Variants in UBE3B observed in about 807,000 individuals in gnomAD.
UBE3B encodes ubiquitin-protein ligase E3B.
Under a neutral mutation model 132.3 loss-of-function variants are expected in UBE3B, and 80 were observed. The observed-to-expected ratio is 0.60, with a 90% confidence interval of 0.50 to 0.73. The LOEUF (loss-of-function observed/expected upper bound fraction) is 0.73. Ranked by LOEUF, UBE3B falls within the 30% of genes least tolerant of loss-of-function variation. The probability of loss-of-function intolerance (pLI) is 0.00; values close to 1 mark genes in which losing one functional copy is unlikely to be tolerated. For missense variants in UBE3B, 1,196 were observed against 1,362.5 expected, an observed-to-expected ratio of 0.88 and a Z score of 1.92; for synonymous variants, 487 against 520.4, an observed-to-expected ratio of 0.94 and a Z score of 0.87.
chr12:109,482,961 T>C (rs1875738082), intron 2 of UBE3B, among the ~76,000 whole-genome samples: 1 of 152,246 alleles, frequency 6.6e-6, no homozygotes, highest in Non-Finnish European at 1.5e-5. Flanking sequence ...GCTTTGTTAA[T>C]GTTGAAATGG....
intron 17 of UBE3B, among the ~76,000 whole-genome samples, chr12:109,510,835 G>A (rs1880281828): frequency 2.0e-5 from 3 of 152,144 alleles, no homozygotes; most frequent in African/African-American, 7.2e-5. Flanking sequence ...AGAGTAATGG[G>A]GTGGGGGAAA....
intron 4 of UBE3B, 78 bp from the exon 5 acceptor site, chr12:109,485,934 C>G: frequency 6.6e-7 from 1 of 1,514,956 alleles, no homozygotes. Flanking sequence ...GCCAGGTACC[C>G]GCTGAAGGCT....
At chr12:109,528,279 T>G in intron 24 of UBE3B, 1 of 931,282 alleles carries the variant, frequency 1.1e-6, no homozygotes, top group Non-Finnish European at 1.3e-6. Flanking sequence ...TCTCCCTCTC[T>G]CCTTCCCTCC....
intron 26 of UBE3B, among the ~76,000 whole-genome samples, chr12:109,531,155 CCA>C (rs1375910745): frequency 6.6e-6 from 1 of 152,144 alleles, no homozygotes; most frequent in African/African-American, 2.4e-5. Context: ...ACATACACAC[CCA>C]CAGTGTCCCA....
chr12:109,532,206 T>C (rs1376269309), intron 26 of UBE3B, among the ~76,000 whole-genome samples: 1 of 152,188 alleles, frequency 6.6e-6, no homozygotes, highest in Admixed American at 6.5e-5. Context: ...GTCTGTCCCC[T>C]TATTCTTAAA....
chr12:109,529,278 TTCA>T (rs1172177666), intron 24 of UBE3B, among the ~76,000 whole-genome samples: 2 of 152,206 alleles, frequency 1.3e-5, no homozygotes, highest in Non-Finnish European at 2.9e-5. Flanking sequence ...GGGCACTGTG[TTCA>T]TCACAGCAGA....
At chr12:109,541,799 C>G in the UBE3B span, among the ~76,000 whole-genome samples, 1 of 152,316 alleles carries the variant, frequency 6.6e-6, no homozygotes, top group East Asian at 1.9e-4. Context: ...GTGGCCCCTG[C>G]GTGCTTGGCT....
Position 109,503,091 on chromosome 12 carries a change from C to G in UBE3B, c.1351C>G (p.Arg451Gly). 1 of 1,614,170 alleles carries G rather than the reference C, an allele frequency of 6.2e-7. No homozygotes were observed. Among genetic ancestry groups the G allele is most frequent in the Non-Finnish European group, 8.5e-7 (1 of 1,180,036 alleles). The change falls in exon 14 of 28, where the codon CGG (arginine) becomes GGG (glycine). Residue 451 changes from arginine to glycine, a missense_variant. Arg to Gly is a moderately radical substitution (Grantham distance 125). Coordinates refer to ENST00000342494, the MANE Select transcript of UBE3B (RefSeq NM_130466.4). ...TATTCTCAGGCCTGTCGGGGGTAAA[C>G]GGGTCGACTCTGCAGAAGTCCAGAA... Reference protein sequence around the residue: ...RNILRPVGGKRVDSAEVQKVC... With the variant: ...RNILRPVGGKGVDSAEVQKVC...
intron 6 of UBE3B, among the ~76,000 whole-genome samples, chr12:109,487,338 G>C (rs988005414): frequency 6.6e-6 from 1 of 152,218 alleles, no homozygotes; most frequent in Non-Finnish European, 1.5e-5. Context: ...CTTCCACTTT[G>C]CTTATAAGGA....
intron 6 of UBE3B, among the ~76,000 whole-genome samples, chr12:109,487,360 C>CA (rs1876683144): frequency 1.3e-5 from 2 of 152,206 alleles, no homozygotes; most frequent in Non-Finnish European, 2.9e-5. Flanking sequence ...AGAGAGGTCT[C>CA]AGGGACAGAG....
At chr12:109,544,546 A>G in the UBE3B span, among the ~76,000 whole-genome samples, 1 of 152,098 alleles carries the variant, frequency 6.6e-6, no homozygotes, top group Non-Finnish European at 1.5e-5. Flanking sequence ...TCTAACTGAC[A>G]ATCTTGGGTA....
chr12:109,532,995 C>T (rs960558857), intron 26 of UBE3B, among the ~76,000 whole-genome samples: 2 of 152,230 alleles, frequency 1.3e-5, no homozygotes, highest in Non-Finnish European at 2.9e-5. Flanking sequence ...GCGGGTCTCC[C>T]GGGCTCCCTC....
At chr12:109,544,013 G>A in the UBE3B span, among the ~76,000 whole-genome samples, 1 of 152,130 alleles carries the variant, frequency 6.6e-6, no homozygotes, top group Non-Finnish European at 1.5e-5. Flanking sequence ...GTCTTGGAGG[G>A]TGCTGGCTTA....
chr12:109,486,600 A>AG, intron 6 of UBE3B, 25 bp downstream of exon 6: 1 of 1,455,630 alleles, frequency 6.9e-7, no homozygotes, highest in South Asian at 1.2e-5. Context: ...AAAAAAAAAA[A>AG]AAAGCAAAAC....
At chr12:109,531,100 C>G (rs551777565) in intron 26 of UBE3B, among the ~76,000 whole-genome samples, 205 of 152,314 alleles carry the variant, frequency 1.3e-3, no homozygotes, top group African/African-American at 4.8e-3. Context: ...TCCTACTCAC[C>G]AGGGACTGTC....
rs999649918 is a variant in UBE3B, at chr12:109,491,127, G to A, written c.713G>A (p.Arg238His). The A allele has an allele frequency of 6.2e-6, 10 of 1,613,614 alleles. No homozygotes were observed. Among genetic ancestry groups the A allele is most frequent in the South Asian group, 5.5e-5 (5 of 91,052 alleles). The change falls in exon 9 of 28, where the codon CGC (arginine) becomes CAC (histidine). Residue 238 changes from arginine (R) to histidine (H), a missense_variant and splice_region_variant. Physicochemically the swap from Arg to His is conservative, Grantham distance 29. Transcript: ENST00000342494. ...ACAGCAGCTTTTTCTCTAGCGTTACGGTGAGTAAGAAACCATAGCTGAGGT... is the reference window on the plus strand; with the variant it reads ...ACAGCAGCTTTTTCTCTAGCGTTACAGTGAGTAAGAAACCATAGCTGAGGT... ...TLTAAFSLAL[R>H]PVIAAQFSDN...
chr12:109,533,468 C>A lies in UBE3B; in HGVS notation c.2925C>A (p.Phe975Leu). The change falls in exon 27 of 28, where the codon TTC (phenylalanine) becomes TTA (leucine). Residue 975 changes from phenylalanine to leucine, a missense_variant and splice_region_variant. Coordinates refer to ENST00000342494, the MANE Select transcript of UBE3B (RefSeq NM_130466.4). ...TPDERAMFLK[F>L]VTSCSRPPLL... ...ACTGACCCTGCTTTGTGTTGCAGTT[C>A]GTGACCAGCTGCTCCAGACCCCCGC... 6.2e-7 allele frequency: 1 copy of A among 1,614,068 alleles called. No homozygotes were observed. The highest frequency in any genetic ancestry group is 1.1e-5 in the South Asian group (1 of 91,086).
intron 17 of UBE3B, 38 bp from the exon 18 acceptor site, chr12:109,511,163 CCTT>C: frequency 6.3e-7 from 1 of 1,593,626 alleles, no homozygotes; most frequent in Non-Finnish European, 8.6e-7. Context: ...AGGATGGTTT[CCTT>C]CTTTTAATTC....
chr12:109,533,287 G>A (rs1883138448), intron 26 of UBE3B, among the ~76,000 whole-genome samples, 179 bp from the exon 27 acceptor site: 1 of 152,160 alleles, frequency 6.6e-6, no homozygotes, highest in East Asian at 1.9e-4. Context: ...ACCCTTGAGA[G>A]AGATGTACGG....
Sources: gnomAD v4.1 joint callset for allele counts (sites outside exome capture counted in the v4.1 genomes callset) on GRCh38, gnomAD v4.1.1 for gene constraint, MANE v1.5 for transcripts, NCBI Gene and HGNC (gene_info 2026-07-23, HGNC 2026-07-21) for gene names.